SERINC1: variants seen among roughly 807,000 people sequenced by gnomAD.
SERINC1 encodes the protein tumor differentially expressed protein 2.
A neutral mutation model predicts 52.9 loss-of-function variants in SERINC1; 38 were observed. The ratio of observed to expected loss-of-function variants is 0.72; its 90% confidence interval spans 0.55 to 0.94. SERINC1 has a LOEUF of 0.94. SERINC1 is among the 40% of genes least tolerant of loss of function. SERINC1 has a pLI of 0.00. For synonymous variants in SERINC1, 198 were observed against 183.1 expected (o/e 1.08, Z -0.66); for missense variants, 471 against 533.9 (o/e 0.88, Z 1.16).
intron 1 of SERINC1, among the ~76,000 whole-genome samples, chr6:122,466,398 C>T (rs920771853): frequency 2.0e-5 from 3 of 152,106 alleles, no homozygotes; most frequent in African/African-American, 7.2e-5. Flanking sequence ...CTCACTGAAG[C>T]CACAACCTCC....
At position 122,447,272 on chromosome 6, in the gene SERINC1, T is replaced by C; in HGVS notation, c.851-7A>G. On this transcript the variant is annotated splice_polypyrimidine_tract_variant and splice_region_variant and intron_variant, in intron 7 of 9. Coordinates refer to ENST00000339697, the MANE Select transcript of SERINC1 (RefSeq NM_020755.4). ...CTTGGGTTGCAATTTGTTTCTGTAA[T>C]ATAAAGCCAAATTAAAATGTTAGAA... 2.5e-6 allele frequency: 4 copies of C among 1,589,486 alleles called. No homozygotes were observed. The highest frequency in any genetic ancestry group is 3.4e-6 in the Non-Finnish European group (4 of 1,164,510).
In SERINC1 at chr6:122,453,905, A is replaced by C; in HGVS notation, c.454T>G (p.Trp152Gly). ...FIPEGTFTTV[W>G]FYVGMAGAFC... ...GCACCTGCCATGCCTACATAAAACC[A>C]CACTGAAAGGGAAAGAAAGCATACA... Residue 152 changes from tryptophan to glycine, a missense_variant and splice_region_variant, in exon 5 of 10, where the codon TGG becomes GGG. By Grantham distance (184) the Trp-to-Gly change is radical. Transcript: ENST00000339697. 1 of 1,588,748 alleles carries C rather than the reference A, an allele frequency of 6.3e-7. No homozygotes were observed. Among genetic ancestry groups the C allele is most frequent in the South Asian group, 1.1e-5 (1 of 87,426 alleles).
At chr6:122,445,305 C>T (rs1236080838) in intron 9 of SERINC1, 126 bp from the exon 10 acceptor site, 1 of 880,258 alleles carries the variant, frequency 1.1e-6, no homozygotes, top group Non-Finnish European at 1.7e-6. Flanking sequence ...TATATCATTG[C>T]TGCATCTAAT....
chr6:122,445,083 G>C lies in SERINC1; in HGVS notation c.1323C>G (p.Leu441=), dbSNP rs36042888. Residue 441 remains leucine, a synonymous_variant, in exon 10 of 10, where the codon CTC becomes CTG. Transcript: ENST00000339697. ...GATTTGTAAGAACAAGTGGTGCCAC[G>C]AGTGTCCAAACATACAGCACGATGC... The part of the protein sequence containing the change: ...WIGIVLYVWT[L]VAPLVLTNRD... 5.0e-3 allele frequency: 8,010 copies of C among 1,613,908 alleles called. 361 individuals are homozygous for C. The African/African-American group carries it at 0.094, about 19-fold the overall frequency.
chr6:122,451,222 C>A (rs1159021096), intron 7 of SERINC1, among the ~76,000 whole-genome samples: 2 of 152,190 alleles, frequency 1.3e-5, no homozygotes, highest in Non-Finnish European at 2.9e-5. Context: ...TGAGGCAAGA[C>A]CTCCTACCAG....
At chr6:122,457,820 T>TATAG (rs915128013) in intron 2 of SERINC1, among the ~76,000 whole-genome samples, 3 of 151,552 alleles carry the variant, frequency 2.0e-5, no homozygotes, top group Non-Finnish European at 4.4e-5. Flanking sequence ...TATATATATA[T>TATAG]ATACATGTAC....
At chr6:122,458,703 A>G (rs199825492) in intron 1 of SERINC1, 22 bp from the exon 2 acceptor site, 40 of 1,511,900 alleles carry the variant, frequency 2.6e-5, no homozygotes, top group Admixed American at 5.4e-5. Context: ...AATATTATTG[A>G]AAATATTATT....
chr6:122,466,280 A>G (rs187764917), intron 1 of SERINC1, among the ~76,000 whole-genome samples: 1 of 152,226 alleles, frequency 6.6e-6, no homozygotes, highest in East Asian at 1.9e-4. Context: ...GGTAATTAAA[A>G]ATGTTACAGC....
At chr6:122,471,569 C>T in intron 1 of SERINC1, 130 bp downstream of exon 1, 2 of 1,075,340 alleles carry the variant, frequency 1.9e-6, no homozygotes, top group Non-Finnish European at 2.8e-6. Flanking sequence ...GGGAAGAAAA[C>T]GGGGACAGAG....
intron 5 of SERINC1, among the ~76,000 whole-genome samples, chr6:122,452,699 T>C (rs1276275343): frequency 6.6e-6 from 1 of 152,198 alleles, no homozygotes; most frequent in Non-Finnish European, 1.5e-5. Flanking sequence ...CAAATATTTA[T>C]TGAATGCCTG....
intron 1 of SERINC1, among the ~76,000 whole-genome samples, chr6:122,471,332 G>A (rs2114496694): frequency 6.6e-6 from 1 of 151,784 alleles, no homozygotes; most frequent in African/African-American, 2.4e-5. Flanking sequence ...AAGGAAAGGG[G>A]CAAAGACCTT....
chr6:122,460,154 C>G (rs1775075961), intron 1 of SERINC1, among the ~76,000 whole-genome samples: 1 of 152,134 alleles, frequency 6.6e-6, no homozygotes, highest in Non-Finnish European at 1.5e-5. Flanking sequence ...GCAACCTTCC[C>G]CCACCCACTC....
In SERINC1 at chr6:122,471,558, C is replaced by A. The variant is rs1775300914; in HGVS notation, c.39+141G>T. On this transcript the variant is annotated intron_variant, in intron 1 of 9. Coordinates refer to ENST00000339697, the MANE Select transcript of SERINC1 (RefSeq NM_020755.4). ...GCTGAGTCTGAGTGACGAGAGGAGA[C>A]GGGAAGAAAACGGGGACAGAGAGGG... 7.3e-6 allele frequency: 7 copies of A among 964,944 alleles called. No homozygotes were observed. The South Asian group carries it at 9.3e-5, about 13-fold the overall frequency. 59.8% of individuals were successfully genotyped at this position (964,944 alleles called of 1,614,324 possible). A position where few individuals can be genotyped will look rare whatever the true frequency, so the allele number is the denominator to read the frequency against.
At chr6:122,459,090 A>G (rs1354786508) in intron 1 of SERINC1, among the ~76,000 whole-genome samples, 1 of 152,208 alleles carries the variant, frequency 6.6e-6, no homozygotes, top group Non-Finnish European at 1.5e-5. Context: ...GAGGATTCTC[A>G]AATACATCCA....
chr6:122,454,441 T>A (rs1417469758), intron 3 of SERINC1: 4 of 482,478 alleles, frequency 8.3e-6, no homozygotes, highest in Non-Finnish European at 1.5e-5. Context: ...GGAGAGAGAG[T>A]GAAATTAACC....
At position 122,456,489 on chromosome 6, in the gene SERINC1, C is replaced by G; in HGVS notation, c.363G>C (p.Val121=). Residue 121 remains valine, a synonymous_variant, in exon 3 of 10, where the codon GTG becomes GTC. Coordinates refer to ENST00000339697, the MANE Select transcript of SERINC1 (RefSeq NM_020755.4). ...VKSSSDPRAA[V]HNGFWFFKFA... ...CTTATTTAAAAACTTACCCATTGTG[C>G]ACTGCAGCTCTAGGATCACTGCTAC... The G allele has an allele frequency of 6.3e-7, 1 of 1,576,858 alleles. No individual in the cohort carries two copies. The highest frequency in any genetic ancestry group is 8.6e-7 in the Non-Finnish European group (1 of 1,165,240).
At chr6:122,454,410 C>A (rs886843679) in intron 3 of SERINC1, 180 bp from the exon 4 acceptor site, 5 of 533,516 alleles carry the variant, frequency 9.4e-6, no homozygotes, top group African/African-American at 7.9e-5. Context: ...AGGTAATCAT[C>A]ATATTTAGAT....
At chr6:122,471,235 CAA>C (rs1381645551) in intron 1 of SERINC1, among the ~76,000 whole-genome samples, 2 of 151,866 alleles carry the variant, frequency 1.3e-5, no homozygotes, top group East Asian at 1.9e-4. Flanking sequence ...CGCCACTGAA[CAA>C]AGAGGGCGAC....
At position 122,448,788 on chromosome 6, in the gene SERINC1, ATTTT is replaced by A. The variant is rs67382351; in HGVS notation, c.851-1527_851-1524del. Among the ~76,000 whole-genome samples, 298 of 119,462 alleles carry A rather than the reference ATTTT, an allele frequency of 2.5e-3. 7 individuals are homozygous for A. In the East Asian group the frequency reaches 0.049, roughly 20 times the overall value. 78.4% of individuals were successfully genotyped at this position (119,462 alleles called of 152,430 possible). ...TACCTTGTTTTACTGTGCTTTGCCT[ATTTT>A]TTTTTTTTTTTTTTTTTAGCATTTT... On this transcript the variant is annotated intron_variant, in intron 7 of 9. Coordinates refer to ENST00000339697, the MANE Select transcript of SERINC1 (RefSeq NM_020755.4).
Sources: gnomAD v4.1 joint callset for allele counts (sites outside exome capture counted in the v4.1 genomes callset) on GRCh38, gnomAD v4.1.1 for gene constraint, MANE v1.5 for transcripts, NCBI Gene and HGNC (gene_info 2026-07-23, HGNC 2026-07-21) for gene names.